The following DMD variants were observed in gnomAD, a reference collection of about 807,000 sequenced individuals.
DMD encodes mutant dystrophin.
Under a neutral mutation model 330.1 loss-of-function variants are expected in DMD, and 63 were observed. The observed-to-expected ratio is 0.19, with a 90% confidence interval of 0.16 to 0.24. The LOEUF (loss-of-function observed/expected upper bound fraction) is 0.24, where lower values mean the gene tolerates loss of function less well. DMD is among the 10% of genes least tolerant of loss of function. DMD has a pLI of 1.00. For missense variants in DMD, 3,344 were observed against 2,684.1 expected (o/e 1.25, Z -5.43); for synonymous variants, 1,223 against 959.8 (o/e 1.27, Z -5.07).
intron 17 of DMD, among the ~76,000 whole-genome samples, chrX:32,525,564 C>T (rs140083801): frequency 9.0e-6 from 1 of 111,688 alleles, no homozygotes; most frequent in African/African-American, 3.3e-5. Context: ...AGCAATTGCA[C>T]GTTTATTTTA....
intron 74 of DMD, among the ~76,000 whole-genome samples, chrX:31,153,137 C>G (rs2037654992): frequency 9.0e-6 from 1 of 111,498 alleles, no homozygotes; most frequent in Non-Finnish European, 1.9e-5. Context: ...ACAGAGATAT[C>G]ACTCATTTCA....
At chrX:33,249,894 G>A (rs1286724684) in intron 1 of DMD, among the ~76,000 whole-genome samples, 1 of 109,860 alleles carries the variant, frequency 9.1e-6, no homozygotes, top group Non-Finnish European at 1.9e-5. Flanking sequence ...AAGGGATACT[G>A]TACTCAGAGA....
chrX:31,266,666 G>T (rs1295158210), intron 62 of DMD: 22 of 605,629 alleles, frequency 3.6e-5, no homozygotes, highest in Non-Finnish European at 5.4e-5. Context: ...CCGCGGGAGA[G>T]GTTCCTAGAC....
At chrX:32,922,352 T>A (rs1014853938) in intron 2 of DMD, among the ~76,000 whole-genome samples, 2 of 111,712 alleles carry the variant, frequency 1.8e-5, no homozygotes, top group African/African-American at 6.5e-5. Context: ...TGCAGTAATA[T>A]ACAAGTGCTT....
At chrX:31,915,732 G>A (rs910495502) in intron 47 of DMD, among the ~76,000 whole-genome samples, 1 of 111,834 alleles carries the variant, frequency 8.9e-6, no homozygotes, top group African/African-American at 3.3e-5. Flanking sequence ...TGGCTTTTGA[G>A]AATATTGATA....
At chrX:31,148,565 T>C (rs181220418) in intron 74 of DMD, among the ~76,000 whole-genome samples, 1 of 112,452 alleles carries the variant, frequency 8.9e-6, no homozygotes, top group African/African-American at 3.2e-5. Context: ...TTACAGAATA[T>C]AGTTTGATGT....
chrX:31,598,107 G>T (rs776895867), intron 55 of DMD, among the ~76,000 whole-genome samples: 10 of 100,263 alleles, frequency 1.0e-4, no homozygotes, highest in African/African-American at 3.6e-4. Flanking sequence ...TGTGTATCTT[G>T]TTTTTTTTTT....
At chrX:31,381,347 T>A (rs868865907) in intron 60 of DMD, among the ~76,000 whole-genome samples, 2 of 111,937 alleles carry the variant, frequency 1.8e-5, no homozygotes, top group African/African-American at 3.2e-5. Context: ...CTAGCCCTCA[T>A]GTCTGCGTGC....
At chrX:31,686,549 C>T (rs1177937847) in intron 52 of DMD, among the ~76,000 whole-genome samples, 2 of 112,177 alleles carry the variant, frequency 1.8e-5, no homozygotes, top group African/African-American at 6.5e-5. Flanking sequence ...TTGTATAAAA[C>T]ATCTTTAATG....
At chrX:31,938,434 TTTGA>T (rs1468263205) in intron 45 of DMD, among the ~76,000 whole-genome samples, 5 of 112,153 alleles carry the variant, frequency 4.5e-5, no homozygotes, top group South Asian at 3.7e-4. Context: ...AATTCATTAA[TTTGA>T]TTGTGTGTAC....
At chrX:31,845,375 GTCTCTCTCTCTCTCTCTC>G (rs535397626) in intron 48 of DMD, among the ~76,000 whole-genome samples, 10,580 of 60,066 alleles carry the variant, frequency 0.18, 589 homozygotes, top group Middle Eastern at 0.38. Flanking sequence ...ACAGAATAAA[GTCTCTCTCTCTCTCTCTC>G]TCTCTCTCTC....
intron 41 of DMD, among the ~76,000 whole-genome samples, chrX:32,339,581 T>A (rs1160806200): frequency 9.0e-6 from 1 of 111,687 alleles, no homozygotes; most frequent in Non-Finnish European, 1.9e-5. Context: ...CCTCAAAGTC[T>A]CAGTCCTTTT....
chrX:33,106,866 C>T (rs1002052104), intron 1 of DMD, among the ~76,000 whole-genome samples: 14 of 111,882 alleles, frequency 1.3e-4, no homozygotes, highest in Non-Finnish European at 2.6e-4. Context: ...TTGCTGTTTT[C>T]GATATGGTTA....
chrX:33,200,452 C>G (rs908278428), intron 1 of DMD, among the ~76,000 whole-genome samples: 11 of 111,152 alleles, frequency 9.9e-5, no homozygotes, highest in Non-Finnish European at 1.9e-4. Context: ...AAGAGAAGAT[C>G]TATGCACACT....
At chrX:31,893,559 T>A (rs1569502192) in intron 47 of DMD, among the ~76,000 whole-genome samples, 1 of 99,226 alleles carries the variant, frequency 1.0e-5, no homozygotes, top group Admixed American at 1.1e-4. Context: ...AATGTTACTG[T>A]CACACAAAAA....
At chrX:31,897,927 A>G (rs1343303469) in intron 47 of DMD, among the ~76,000 whole-genome samples, 2 of 110,525 alleles carry the variant, frequency 1.8e-5, no homozygotes, top group Admixed American at 1.9e-4. Flanking sequence ...CCTTAGTTTA[A>G]TTAGATCCCA....
chrX:33,218,801 T>C (rs966778992), intron 1 of DMD, among the ~76,000 whole-genome samples: 15 of 111,735 alleles, frequency 1.3e-4, no homozygotes, highest in African/African-American at 3.9e-4. Flanking sequence ...AAATCGTTTT[T>C]TTCCTTCTTG....
At chrX:32,801,115 A>G (rs748220254) in intron 7 of DMD, among the ~76,000 whole-genome samples, 1 of 111,390 alleles carries the variant, frequency 9.0e-6, no homozygotes, top group East Asian at 2.9e-4. Flanking sequence ...TGTCTTCCAC[A>G]ATGTTTGAAC....
chrX:32,967,848 A>C (rs1372011476), intron 2 of DMD, among the ~76,000 whole-genome samples: 1 of 111,830 alleles, frequency 8.9e-6, no homozygotes, highest in Non-Finnish European at 1.9e-5. Flanking sequence ...TGGTTGTAGA[A>C]TATTTCTATG....
Sources: gnomAD v4.1 joint callset for allele counts (sites outside exome capture counted in the v4.1 genomes callset) on GRCh38, gnomAD v4.1.1 for gene constraint, MANE v1.5 for transcripts, NCBI Gene and HGNC (gene_info 2026-07-23, HGNC 2026-07-21) for gene names.